The following KCTD21 variants were observed in gnomAD, a reference collection of about 807,000 sequenced individuals.
KCTD21 encodes the protein potassium channel tetramerization domain containing 21, also known as BTB/POZ domain-containing protein KCTD21.
In KCTD21, 9 loss-of-function variants were observed where a neutral mutation model predicts 13.2. That is an observed-to-expected ratio of 0.68 (90% CI 0.41 to 1.19). The LOEUF (loss-of-function observed/expected upper bound fraction) is 1.19, where lower values mean the gene tolerates loss of function less well. KCTD21 is among the 50% of genes most tolerant of loss of function. The probability of loss-of-function intolerance (pLI) is 0.01; values close to 1 mark genes in which losing one functional copy is unlikely to be tolerated. For missense variants in KCTD21, 303 were observed against 336.5 expected (o/e 0.90, Z 0.78); for synonymous variants, 142 against 137.4 (o/e 1.03, Z -0.23).
rs751530385 is a variant in KCTD21, at chr11:78,174,356, G to A, written c.199C>T (p.His67Tyr). 16 of 1,614,106 alleles carry A rather than the reference G, an allele frequency of 9.9e-6. No individual in the cohort carries two copies. The highest frequency in any genetic ancestry group is 5.0e-5 in the Admixed American group (3 of 60,032). ...TGGAAGTCCTCAGGCAGGTCAAGGT[G>A]GGAGGTCCGCAGGAAGTTGAGGATA... The part of the protein sequence containing the change: ...RYILNFLRTS[H>Y]LDLPEDFQEM... Residue 67 changes from histidine to tyrosine, a missense_variant, in exon 2 of 2, where the codon CAC becomes TAC. Coordinates refer to ENST00000340067, the MANE Select transcript of KCTD21 (RefSeq NM_001029859.3).
chr11:78,182,576 T>G (rs890516244), intron 1 of KCTD21, among the ~76,000 whole-genome samples: 30 of 152,290 alleles, frequency 2.0e-4, no homozygotes, highest in African/African-American at 6.3e-4. Flanking sequence ...ATAAACATAT[T>G]GATAAATATA....
At chr11:78,185,597 ATTTTT>A (rs58401363) in intron 1 of KCTD21, among the ~76,000 whole-genome samples, 52 of 145,820 alleles carry the variant, frequency 3.6e-4, no homozygotes, top group African/African-American at 1.2e-3. Flanking sequence ...CACTAGGCCT[ATTTTT>A]TTTTTTTGAG....
chr11:78,171,399 A>G lies in KCTD21; in HGVS notation c.*2373T>C, dbSNP rs780939237. 1 of 152,664 alleles carries G rather than the reference A, an allele frequency of 6.6e-6. No individual in the cohort carries two copies. Among genetic ancestry groups the G allele is most frequent in the African/African-American group, 2.4e-5 (1 of 41,468 alleles). The allele number at this position is 152,664 out of a possible 1,614,324, so 9.5% of individuals were successfully genotyped here. A position where few individuals can be genotyped will look rare whatever the true frequency, so the allele number is the denominator to read the frequency against. On this transcript the variant is annotated 3_prime_UTR_variant, in exon 2 of 2. Coordinates refer to ENST00000340067, the MANE Select transcript of KCTD21 (RefSeq NM_001029859.3). ...GCTCAGTGAGGTGAGTGACTTGCAT[A>G]AAGTCACACAGCATGTTAGTGGCTT... is the stretch of plus-strand genomic sequence containing the variant.
intron 1 of KCTD21, among the ~76,000 whole-genome samples, chr11:78,179,830 G>A (rs1171004685): frequency 2.6e-5 from 4 of 152,090 alleles, no homozygotes; most frequent in African/African-American, 4.8e-5. Context: ...CAGCCTATGA[G>A]TCATCACCTC....
intron 1 of KCTD21, chr11:78,188,136 T>A (rs1590887905): frequency 1.0e-6 from 1 of 985,372 alleles, no homozygotes. Flanking sequence ...CCCTGTCATC[T>A]GTGTCTCCGC....
At position 78,174,019 on chromosome 11, in the gene KCTD21, T is replaced by C; in HGVS notation, c.536A>G (p.Gln179Arg). 2 of 1,614,096 alleles carry C rather than the reference T, an allele frequency of 1.2e-6. No homozygotes were observed. Among genetic ancestry groups the C allele is most frequent in the South Asian group, 2.2e-5 (2 of 91,068 alleles). The change falls in exon 2 of 2, where the codon CAG becomes CGG. Residue 179 changes from glutamine (Q) to arginine (R), a missense_variant. Physicochemically the swap from Gln to Arg is conservative, Grantham distance 43. Transcript: ENST00000340067. ...GTCCAGAGTCAGGTGGTTGGGGTCC[T>C]GCAAGTGGCTGGTGATGGAGGAGAG... ...GNLSSITSHL[Q>R]DPNHLTLDWV...
Position 78,172,811 on chromosome 11 carries a change from G to C in KCTD21, c.*961C>G, listed in dbSNP as rs1862316475. On this transcript the variant is annotated 3_prime_UTR_variant, in exon 2 of 2. Coordinates refer to ENST00000340067, the MANE Select transcript of KCTD21 (RefSeq NM_001029859.3). ...GGATGGCGCGCTTCCTATCAGCCAA[G>C]GTATGCAAGCAGGCCAAGGTGATCA... 6.6e-6 allele frequency: 1 copy of C among 152,616 alleles called. No individual in the cohort carries two copies. The highest frequency in any genetic ancestry group is 2.1e-4 in the South Asian group (1 of 4,834). The allele number at this position is 152,616 out of a possible 1,614,324, so 9.5% of individuals were successfully genotyped here.
chr11:78,187,448 A>AG (rs1462177830), intron 1 of KCTD21: 13 of 985,304 alleles, frequency 1.3e-5, no homozygotes, highest in African/African-American at 1.7e-5. Context: ...GAGGAGAGAA[A>AG]GGTGGGCTGG....
intron 1 of KCTD21, among the ~76,000 whole-genome samples, chr11:78,185,776 G>C (rs1217070324): frequency 6.6e-6 from 1 of 151,986 alleles, no homozygotes; most frequent in Non-Finnish European, 1.5e-5. Context: ...ATTTTTAGTA[G>C]AGACGGGGTT....
Position 78,173,036 on chromosome 11 carries a change from G to A in KCTD21, c.*736C>T, listed in dbSNP as rs1862325694. On this transcript the variant is annotated 3_prime_UTR_variant, in exon 2 of 2. Coordinates refer to ENST00000340067, the MANE Select transcript of KCTD21 (RefSeq NM_001029859.3). ...CAGGTAACAGGCTGGATTTGGAAGT[G>A]ATTTCATTACACTGGCTACAGATAC... The A allele has an allele frequency of 6.6e-6, 1 of 152,556 alleles. No homozygotes were observed. The highest frequency in any genetic ancestry group is 2.4e-5 in the African/African-American group (1 of 41,452). 9.5% of individuals were successfully genotyped at this position (152,556 alleles called of 1,614,324 possible). A position where few individuals can be genotyped will look rare whatever the true frequency, so the allele number is the denominator to read the frequency against.
In KCTD21 at chr11:78,182,176, G is replaced by A. The variant is rs116884390; in HGVS notation, c.-30+6397C>T. Reference sequence around the variant, plus strand: ...CTGTGTAATTTCCCAAGTGATAATAGCTATAGGAACTTCTTCTATTTTAAT... The same window carrying A: ...CTGTGTAATTTCCCAAGTGATAATAACTATAGGAACTTCTTCTATTTTAAT... On this transcript the variant is annotated intron_variant, in intron 1 of 1. Coordinates refer to ENST00000340067, the MANE Select transcript of KCTD21 (RefSeq NM_001029859.3). Among the ~76,000 whole-genome samples the A allele has an allele frequency of 3.3e-3, 506 of 152,228 alleles. 3 individuals carry two copies. Among genetic ancestry groups the A allele is most frequent in the Non-Finnish European group, 5.8e-3 (396 of 68,014 alleles).
intron 1 of KCTD21, among the ~76,000 whole-genome samples, chr11:78,184,476 A>G (rs538832455): frequency 1.3e-5 from 2 of 151,998 alleles, no homozygotes; most frequent in Non-Finnish European, 1.5e-5. Flanking sequence ...AGCTGGGAGT[A>G]TAGGCACACA....
intron 1 of KCTD21, among the ~76,000 whole-genome samples, chr11:78,182,573 T>G (rs148364330): frequency 1.3e-5 from 2 of 152,294 alleles, no homozygotes; most frequent in African/African-American, 4.8e-5. Flanking sequence ...AAAATAAACA[T>G]ATTGATAAAT....
intron 1 of KCTD21, among the ~76,000 whole-genome samples, chr11:78,182,095 T>C (rs1349348679): frequency 6.6e-6 from 1 of 152,358 alleles, no homozygotes; most frequent in African/African-American, 2.4e-5. Flanking sequence ...GATACTGTGA[T>C]ATAATAAGCA....
intron 1 of KCTD21, among the ~76,000 whole-genome samples, chr11:78,179,707 C>T (rs548790918): frequency 4.6e-5 from 7 of 152,292 alleles, no homozygotes; most frequent in Admixed American, 1.3e-4. Context: ...CCTCCACGCA[C>T]GCCAGACGCC....
At chr11:78,177,350 C>T (rs931738329) in intron 1 of KCTD21, among the ~76,000 whole-genome samples, 1 of 152,198 alleles carries the variant, frequency 6.6e-6, no homozygotes, top group Non-Finnish European at 1.5e-5. Context: ...ATGTGAAATA[C>T]GAAATCGTCA....
chr11:78,180,311 T>C (rs1862578014), intron 1 of KCTD21, among the ~76,000 whole-genome samples: 1 of 152,206 alleles, frequency 6.6e-6, no homozygotes, highest in Admixed American at 6.5e-5. Context: ...GATAAAGGAT[T>C]GTTAACCAGA....
intron 1 of KCTD21, among the ~76,000 whole-genome samples, chr11:78,180,429 G>C: frequency 6.6e-6 from 1 of 152,256 alleles, no homozygotes; most frequent in East Asian, 1.9e-4. Context: ...GGGAGGCTGA[G>C]GCGGGCAGAT....
intron 1 of KCTD21, 116 bp from the exon 2 acceptor site, chr11:78,174,699 C>T: frequency 2.9e-6 from 2 of 685,484 alleles, no homozygotes; most frequent in Non-Finnish European, 5.0e-6. Flanking sequence ...TGAATTAATA[C>T]CTGATGAATG....
Sources: allele counts gnomAD v4.1 joint callset (sites outside exome capture counted in the v4.1 genomes callset), GRCh38; gene constraint gnomAD v4.1.1; transcripts MANE v1.5; gene names NCBI Gene and HGNC (gene_info 2026-07-23, HGNC 2026-07-21).